Variants in LRMDA observed in about 807,000 individuals in gnomAD.
LRMDA encodes the protein leucine rich melanocyte differentiation associated.
In LRMDA, 18 loss-of-function variants were observed where a neutral mutation model predicts 29.8. The observed-to-expected ratio is 0.60, with a 90% confidence interval of 0.42 to 0.90. The LOEUF is 0.90. Ranked by LOEUF, LRMDA falls within the 40% of genes least tolerant of loss-of-function variation. LRMDA has a pLI of 0.00. For synonymous variants in LRMDA, 125 were observed against 109.4 expected, an observed-to-expected ratio of 1.14 and a Z score of -0.89; for missense variants, 273 against 273.9, an observed-to-expected ratio of 1.00 and a Z score of 0.02.
intron 6 of LRMDA, among the ~76,000 whole-genome samples, chr10:76,526,866 A>G (rs1394429748): frequency 4.1e-5 from 6 of 147,940 alleles, no homozygotes; most frequent in Non-Finnish European, 7.5e-5. Flanking sequence ...AGATTGGGAG[A>G]TATACCTAAT....
At chr10:76,224,281 AAAG>A (rs1851907719) in intron 5 of LRMDA, among the ~76,000 whole-genome samples, 2 of 152,002 alleles carry the variant, frequency 1.3e-5, no homozygotes, top group Admixed American at 1.3e-4. Flanking sequence ...GAAAAAAAAA[AAAG>A]AATGGGGGCC....
chr10:76,258,855 C>T (rs993569938), intron 5 of LRMDA, among the ~76,000 whole-genome samples: 1 of 152,072 alleles, frequency 6.6e-6, no homozygotes, highest in Non-Finnish European at 1.5e-5. Context: ...TTTTCTTTAT[C>T]TACTATTCCG....
intron 2 of LRMDA, among the ~76,000 whole-genome samples, chr10:75,785,837 C>T (rs907482914): frequency 4.6e-5 from 7 of 152,220 alleles, no homozygotes; most frequent in African/African-American, 1.2e-4. Flanking sequence ...CCCCTGCCTT[C>T]GATTTTATCA....
rs182927325 is a variant in LRMDA, at chr10:75,581,957, A to G, written c.131+143463A>G. On this transcript the variant is annotated intron_variant, in intron 2 of 6. Transcript: ENST00000611255. ...TTAAAAAATATCTTAAAGCTCCAAG[A>G]TAGTATTCTTTGACTCCCTGTCTCA... 1.2e-3 allele frequency among the ~76,000 whole-genome samples: 186 copies of G among 152,280 alleles called. 3 individuals are homozygous for G. Among genetic ancestry groups the G allele is most frequent in the East Asian group, 1.4e-3 (7 of 5,184 alleles).
intron 2 of LRMDA, among the ~76,000 whole-genome samples, chr10:75,744,636 T>C (rs1052136721): frequency 2.6e-5 from 4 of 152,180 alleles, no homozygotes; most frequent in Non-Finnish European, 5.9e-5. Context: ...AGGGGACTTA[T>C]TTAGGGTTTC....
chr10:76,484,856 C>G (rs1842766229), intron 6 of LRMDA, among the ~76,000 whole-genome samples: 2 of 151,822 alleles, frequency 1.3e-5, no homozygotes, highest in Admixed American at 6.6e-5. Flanking sequence ...AGTACTCCTA[C>G]ACTTTCTCGG....
At chr10:75,609,443 C>T (rs7901379) in intron 2 of LRMDA, among the ~76,000 whole-genome samples, 2,021 of 152,264 alleles carry the variant, frequency 0.013, 36 homozygotes, top group African/African-American at 0.043. Flanking sequence ...TGTGGCCATA[C>T]CATTGTCCAT....
chr10:76,469,438 C>T (rs973753426), intron 6 of LRMDA, among the ~76,000 whole-genome samples: 3 of 152,124 alleles, frequency 2.0e-5, no homozygotes, highest in African/African-American at 7.2e-5. Flanking sequence ...CCTCATCATT[C>T]TTGCTCAAGA....
At chr10:75,585,437 T>G (rs1008863460) in intron 2 of LRMDA, among the ~76,000 whole-genome samples, 1 of 152,242 alleles carries the variant, frequency 6.6e-6, no homozygotes, top group African/African-American at 2.4e-5. Context: ...TTTTGAATAA[T>G]GTTGTTATGA....
At chr10:75,899,180 G>A (rs1315045717) in intron 2 of LRMDA, among the ~76,000 whole-genome samples, 5 of 152,200 alleles carry the variant, frequency 3.3e-5, no homozygotes, top group African/African-American at 1.2e-4. Context: ...TTACACGCCA[G>A]TACTTCAAAA....
At chr10:76,389,973 G>C (rs1222396424) in intron 6 of LRMDA, among the ~76,000 whole-genome samples, 1 of 152,104 alleles carries the variant, frequency 6.6e-6, no homozygotes. Flanking sequence ...AAATCTTTGA[G>C]ACCTTGTTTC....
chr10:75,565,699 T>G (rs1468741703), intron 2 of LRMDA, among the ~76,000 whole-genome samples: 1 of 152,198 alleles, frequency 6.6e-6, no homozygotes, highest in Non-Finnish European at 1.5e-5. Flanking sequence ...GTATGTTATT[T>G]TTTTGCTGGT....
chr10:76,343,613 G>GA (rs1479298467), intron 6 of LRMDA, among the ~76,000 whole-genome samples: 4 of 151,996 alleles, frequency 2.6e-5, no homozygotes, highest in Non-Finnish European at 4.4e-5. Flanking sequence ...TCCTTAATAT[G>GA]AAAAAACACA....
chr10:76,375,658 T>G (rs535993276), intron 6 of LRMDA, among the ~76,000 whole-genome samples: 2 of 152,022 alleles, frequency 1.3e-5, no homozygotes, highest in South Asian at 4.2e-4. Flanking sequence ...GAGCTAGAAA[T>G]TAATCCCTAC....
intron 5 of LRMDA, among the ~76,000 whole-genome samples, chr10:76,178,367 T>G (rs1057471100): frequency 6.6e-6 from 1 of 152,214 alleles, no homozygotes; most frequent in Non-Finnish European, 1.5e-5. Flanking sequence ...CCTCTTTGTG[T>G]CTTCGTAGGT....
At chr10:75,630,160 C>A (rs1328567809) in intron 2 of LRMDA, among the ~76,000 whole-genome samples, 8 of 152,194 alleles carry the variant, frequency 5.3e-5, no homozygotes, top group Non-Finnish European at 1.0e-4. Flanking sequence ...AGTTGGCAGA[C>A]CCACGGCCCT....
At chr10:76,216,351 G>C (rs1050110381) in intron 5 of LRMDA, among the ~76,000 whole-genome samples, 2 of 152,086 alleles carry the variant, frequency 1.3e-5, no homozygotes, top group Non-Finnish European at 2.9e-5. Context: ...GTGAGACCTT[G>C]TCTCTAAGAA....
At chr10:76,006,359 C>A (rs1847656752) in intron 2 of LRMDA, among the ~76,000 whole-genome samples, 1 of 152,144 alleles carries the variant, frequency 6.6e-6, no homozygotes, top group Non-Finnish European at 1.5e-5. Context: ...GGTGACTCTG[C>A]CGCTTACCTG....
intron 5 of LRMDA, among the ~76,000 whole-genome samples, chr10:76,232,560 C>T (rs1852077135): frequency 6.6e-6 from 1 of 152,204 alleles, no homozygotes; most frequent in African/African-American, 2.4e-5. Context: ...TTCTTGGTCA[C>T]CGTGCAAGCT....
Sources: allele counts gnomAD v4.1 joint callset (sites outside exome capture counted in the v4.1 genomes callset), GRCh38; gene constraint gnomAD v4.1.1; transcripts MANE v1.5; gene names NCBI Gene and HGNC (gene_info 2026-07-23, HGNC 2026-07-21).